SLC35D4: variants seen among roughly 807,000 people sequenced by gnomAD.
SLC35D4 encodes UDP-N-acetylglucosamine transporter SLC35D4.
the SLC35D4 span, among the ~76,000 whole-genome samples, chr18:23,247,997 A>G: frequency 6.6e-6 from 1 of 152,240 alleles, no homozygotes; most frequent in Non-Finnish European, 1.5e-5. Flanking sequence ...TCTGTCAGGA[A>G]ACGGAGTCCC....
At chr18:23,288,598 C>T in the SLC35D4 span, among the ~76,000 whole-genome samples, 3 of 152,016 alleles carry the variant, frequency 2.0e-5, no homozygotes, top group Admixed American at 6.6e-5. Context: ...CAACATGCCC[C>T]GAGTCAGGAA....
At chr18:23,289,166 G>A in the SLC35D4 span, among the ~76,000 whole-genome samples, 3 of 152,096 alleles carry the variant, frequency 2.0e-5, no homozygotes, top group Non-Finnish European at 4.4e-5. Flanking sequence ...TGTTTACACT[G>A]CCAGTTTACA....
the SLC35D4 span, among the ~76,000 whole-genome samples, chr18:23,418,977 C>CA: frequency 2.0e-5 from 3 of 151,524 alleles, no homozygotes; most frequent in Admixed American, 6.6e-5. Flanking sequence ...CACTGCACTC[C>CA]AGCCTGGGTG....
chr18:23,325,512 A>G, the SLC35D4 span, among the ~76,000 whole-genome samples: 1 of 152,166 alleles, frequency 6.6e-6, no homozygotes, highest in East Asian at 1.9e-4. Flanking sequence ...GATCAGTTGC[A>G]CACTGAGTGT....
chr18:23,368,254 C>T, the SLC35D4 span, among the ~76,000 whole-genome samples: 159 of 152,312 alleles, frequency 1.0e-3, 3 homozygotes, highest in South Asian at 0.022. Flanking sequence ...AAGGGCCTCA[C>T]ACATGTGTGT....
chr18:23,266,552 A>G, the SLC35D4 span, among the ~76,000 whole-genome samples: 2 of 152,124 alleles, frequency 1.3e-5, no homozygotes, highest in Non-Finnish European at 2.9e-5. Flanking sequence ...GTCGGTGACA[A>G]CTCAGGGAAT....
the SLC35D4 span, among the ~76,000 whole-genome samples, chr18:23,401,969 G>A: frequency 3.3e-5 from 5 of 152,222 alleles, no homozygotes; most frequent in East Asian, 1.9e-4. Flanking sequence ...AGAGGACAGC[G>A]GAGTGAGCCT....
chr18:23,385,617 G>A, the SLC35D4 span, among the ~76,000 whole-genome samples: 1 of 152,304 alleles, frequency 6.6e-6, no homozygotes, highest in South Asian at 2.1e-4. Context: ...GTGGGGCATG[G>A]GTGGAACATA....
At chr18:23,333,798 T>A in the SLC35D4 span, among the ~76,000 whole-genome samples, 1 of 152,212 alleles carries the variant, frequency 6.6e-6, no homozygotes, top group Non-Finnish European at 1.5e-5. Context: ...ATTGAAAAAG[T>A]AAATTATTTT....
At chr18:23,280,748 C>A in the SLC35D4 span, among the ~76,000 whole-genome samples, 3 of 151,878 alleles carry the variant, frequency 2.0e-5, no homozygotes, top group South Asian at 2.1e-4. Context: ...TTGTGCATAA[C>A]AGACTGTACT....
chr18:23,335,864 C>T, the SLC35D4 span, among the ~76,000 whole-genome samples: 1,522 of 152,202 alleles, frequency 1.0e-2, 22 homozygotes, highest in African/African-American at 0.036. Context: ...GGGACACTAA[C>T]GGCACCCATA....
the SLC35D4 span, chr18:23,258,820 C>G: frequency 6.6e-6 from 1 of 152,166 alleles, no homozygotes; most frequent in South Asian, 2.1e-4. Flanking sequence ...CTTTCGTTAG[C>G]AGAGCTGTCA....
At chr18:23,322,163 CCA>C in the SLC35D4 span, among the ~76,000 whole-genome samples, 1 of 152,208 alleles carries the variant, frequency 6.6e-6, no homozygotes, top group East Asian at 1.9e-4. Flanking sequence ...AACCCAGACT[CCA>C]CACAGTCTCT....
chr18:23,356,396 A>G, the SLC35D4 span, among the ~76,000 whole-genome samples: 1 of 152,312 alleles, frequency 6.6e-6, no homozygotes, highest in South Asian at 2.1e-4. This position sits in a 1 kb window ranked among gnomAD's most constrained non-coding sequence, Gnocchi z 4.1. Flanking sequence ...GGGTCCTGGC[A>G]GGGCCCAAGC....
chr18:23,403,435 G>A, the SLC35D4 span, among the ~76,000 whole-genome samples: 1 of 152,194 alleles, frequency 6.6e-6, no homozygotes, highest in Admixed American at 6.5e-5. Context: ...CTGGCTACAG[G>A]AGACAGGGTA....
chr18:23,424,922 A>C, the SLC35D4 span, among the ~76,000 whole-genome samples: 1 of 152,288 alleles, frequency 6.6e-6, no homozygotes, highest in Non-Finnish European at 1.5e-5. Context: ...TTTAAAGTTC[A>C]CCTGAAATAA....
At chr18:23,409,822 C>T in the SLC35D4 span, among the ~76,000 whole-genome samples, 4 of 135,610 alleles carry the variant, frequency 2.9e-5, no homozygotes, top group Middle Eastern at 4.0e-3. Context: ...CCAGCCTGGG[C>T]GACAGAGCAA....
chr18:23,263,396 T>C, the SLC35D4 span, among the ~76,000 whole-genome samples: 1 of 152,230 alleles, frequency 6.6e-6, no homozygotes, highest in Non-Finnish European at 1.5e-5. Flanking sequence ...ATCCATAGCA[T>C]CGTCTTCTTG....
chr18:23,318,670 T>G, the SLC35D4 span, among the ~76,000 whole-genome samples: 1 of 152,218 alleles, frequency 6.6e-6, no homozygotes, highest in African/African-American at 2.4e-5. Flanking sequence ...TGATTTATAA[T>G]GAGCTTCCAA....
Sources: gnomAD v4.1 joint callset for allele counts (sites outside exome capture counted in the v4.1 genomes callset) on GRCh38, gnomAD v4.1.1 for gene constraint, Gnocchi (gnomAD v3.1) non-coding constraint, MANE v1.5 for transcripts, NCBI Gene and HGNC (gene_info 2026-07-23, HGNC 2026-07-21) for gene names.